Variants in SMYD1 observed in about 807,000 individuals in gnomAD.
The protein encoded by SMYD1 is SET and MYND domain containing 1, also known as histone-lysine N-methyltransferase SMYD1.
SMYD1 carries 49 observed loss-of-function variants against 54.0 expected under a neutral mutation model. The ratio of observed to expected loss-of-function variants is 0.91; its 90% CI spans 0.72 to 1.15. The LOEUF is 1.15. SMYD1 is among the 50% of genes most tolerant of loss of function. The pLI is 0.00. For synonymous variants in SMYD1, 269 were observed against 234.2 expected, an observed-to-expected ratio of 1.15 and a Z score of -1.36; for missense variants, 653 against 639.6, an observed-to-expected ratio of 1.02 and a Z score of -0.23.
At chr2:88,091,846 A>G (rs1346641600) in intron 4 of SMYD1, among the ~76,000 whole-genome samples, 5 of 152,210 alleles carry the variant, frequency 3.3e-5, no homozygotes, top group Admixed American at 1.3e-4. Context: ...CTTGGGTGAC[A>G]AAGTGAGACC....
At chr2:88,074,744 A>G (rs1446332711) in intron 1 of SMYD1, among the ~76,000 whole-genome samples, 1 of 152,234 alleles carries the variant, frequency 6.6e-6, no homozygotes, top group Non-Finnish European at 1.5e-5. Flanking sequence ...TTATGTATAT[A>G]TAGTGTGTAT....
intron 2 of SMYD1, among the ~76,000 whole-genome samples, chr2:88,086,464 G>A (rs1037152098): frequency 5.3e-5 from 8 of 152,184 alleles, no homozygotes; most frequent in South Asian, 2.1e-4. Flanking sequence ...AGAGGGCTTC[G>A]GGGTGAAGTA....
At chr2:88,081,051 C>G (rs750049656) in intron 1 of SMYD1, among the ~76,000 whole-genome samples, 3 of 151,910 alleles carry the variant, frequency 2.0e-5, no homozygotes, top group African/African-American at 7.3e-5. Flanking sequence ...TACAGGTGCC[C>G]GTCACCACGC....
Position 88,111,219 on chromosome 2 carries a change from A to G in SMYD1, c.*707A>G, listed in dbSNP as rs1237612999. 1.3e-5 allele frequency: 2 copies of G among 152,210 alleles called. No homozygotes were observed. The highest frequency in any genetic ancestry group is 2.4e-5 in the African/African-American group (1 of 41,450). The allele number at this position is 152,210 out of a possible 1,614,324, so 9.4% of individuals were successfully genotyped here. A position where few individuals can be genotyped will look rare whatever the true frequency, so the allele number is the denominator to read the frequency against. On this transcript the variant is annotated 3_prime_UTR_variant, in exon 10 of 10. Coordinates refer to ENST00000419482, the MANE Select transcript of SMYD1 (RefSeq NM_198274.4). ...ACTGAGGTCTTAAAGTCCAGGGAAA[A>G]AAAGTCTGGGTTCCAACTAGAATTC...
At chr2:88,093,917 A>G (rs993548693) in intron 5 of SMYD1, among the ~76,000 whole-genome samples, 7 of 152,152 alleles carry the variant, frequency 4.6e-5, no homozygotes, top group African/African-American at 1.7e-4. Context: ...CTACTAAAGG[A>G]CTGTCTGTTT....
intron 6 of SMYD1, among the ~76,000 whole-genome samples, chr2:88,099,665 G>A (rs898700197): frequency 3.3e-5 from 5 of 151,994 alleles, no homozygotes; most frequent in Non-Finnish European, 7.4e-5. Flanking sequence ...GGAGGTTGCA[G>A]TGAGCTGAGA....
At chr2:88,076,234 A>G (rs190809838) in intron 1 of SMYD1, among the ~76,000 whole-genome samples, 94 of 152,172 alleles carry the variant, frequency 6.2e-4, no homozygotes, top group Middle Eastern at 3.4e-3. Flanking sequence ...TTTGTTTTTG[A>G]GACAGAGTCT....
chr2:88,103,300 A>G, intron 7 of SMYD1, 150 bp downstream of exon 7: 2 of 634,118 alleles, frequency 3.2e-6, no homozygotes, highest in East Asian at 2.8e-5. Flanking sequence ...GGTTGAGATC[A>G]TGACTCTTCT....
intron 6 of SMYD1, among the ~76,000 whole-genome samples, chr2:88,098,042 G>A (rs1030241968): frequency 1.3e-5 from 2 of 152,134 alleles, no homozygotes; most frequent in African/African-American, 2.4e-5. Flanking sequence ...GAGAGGCACT[G>A]AGCACTGCAT....
Position 88,112,369 on chromosome 2 carries a change from C to T in SMYD1, c.*1857C>T, listed in dbSNP as rs1229367963. On this transcript the variant is annotated 3_prime_UTR_variant, in exon 10 of 10. Transcript: ENST00000419482. Reference sequence around the variant, plus strand: ...ACTGTGTTCTGTGTCTGTGCTCCTCCTTCCCTCTCAGACCACTGGAATGCA... The same window carrying T: ...ACTGTGTTCTGTGTCTGTGCTCCTCTTTCCCTCTCAGACCACTGGAATGCA... The T allele has an allele frequency of 1.4e-5, 8 of 560,872 alleles. No homozygotes were observed. The highest frequency in any genetic ancestry group is 3.1e-5 in the Admixed American group (1 of 32,718). The allele number at this position is 560,872 out of a possible 1,614,324, so 34.7% of individuals were successfully genotyped here.
Position 88,084,254 on chromosome 2 carries a change from C to T in SMYD1, c.138-62C>T, listed in dbSNP as rs183055739. The T allele has an allele frequency of 9.9e-5, 141 of 1,425,102 alleles. No individual in the cohort carries two copies. The African/African-American group carries it at 1.8e-3, about 18-fold the overall frequency. The allele number at this position is 1,425,102 out of a possible 1,614,324, so 88.3% of individuals were successfully genotyped here. A position where few individuals can be genotyped will look rare whatever the true frequency, so the allele number is the denominator to read the frequency against. ...CCAGTACTGGAACACAGGTGTCCCA[C>T]TGGCTGCAGGGTGCCCTTTCCACTG... On this transcript the variant is annotated intron_variant, in intron 1 of 9. Transcript: ENST00000419482.
At chr2:88,110,200 A>AGT (rs3222709) in intron 9 of SMYD1, among the ~76,000 whole-genome samples, 154 bp from the exon 10 acceptor site, 3,582 of 139,014 alleles carry the variant, frequency 0.026, 70 homozygotes, top group African/African-American at 0.05. Context: ...TTGATGAATG[A>AGT]GTGTGTGTGT....
chr2:88,108,788 AG>A lies in SMYD1; in HGVS notation c.1314+251del, dbSNP rs1262197975. ...TGGTTCATGGTTCTGCAGACTGTAT[AG>A]GAAGTGTGGTGCTGGCATCTGCTTC... On this transcript the variant is annotated intron_variant, in intron 9 of 9. Coordinates refer to ENST00000419482, the MANE Select transcript of SMYD1 (RefSeq NM_198274.4). 7.2e-5 allele frequency among the ~76,000 whole-genome samples: 11 copies of A among 152,330 alleles called. No homozygotes were observed. The East Asian group carries it at 1.3e-3, about 19-fold the overall frequency.
Position 88,096,766 on chromosome 2 carries a change from G to T in SMYD1, c.870G>T (p.Gly290=). 6.2e-7 allele frequency: 1 copy of T among 1,613,574 alleles called. No individual in the cohort carries two copies. The highest frequency in any genetic ancestry group is 8.5e-7 in the Non-Finnish European group (1 of 1,179,766). The change falls in exon 6 of 10, where the codon GGG becomes GGT. Residue 290 remains glycine, a synonymous_variant. Transcript: ENST00000419482. ...AACTGAAGGATGACCTCTTCCTGGG[G>T]GTGAAAGACAACCCCAAGGTACACA... ...QKKLKDDLFL[G]VKDNPKPSQE... is the part of the protein sequence containing the mutation.
In SMYD1 at chr2:88,074,866, G is replaced by A. The variant is rs544206419; in HGVS notation, c.137+6865G>A. Among the ~76,000 whole-genome samples the A allele has an allele frequency of 1.1e-4, 16 of 152,254 alleles. No individual in the cohort carries two copies. In the East Asian group the frequency reaches 1.5e-3, roughly 15 times the overall value. ...ACCAGTTATGAGCTTTCTTAGGTGC[G>A]GCAGAGCAGGTGGGGTTAGTCAGTG... On this transcript the variant is annotated intron_variant, in intron 1 of 9. Coordinates refer to ENST00000419482, the MANE Select transcript of SMYD1 (RefSeq NM_198274.4).
In SMYD1 at chr2:88,110,475, A is replaced by C; in HGVS notation, c.1436A>C (p.Asn479Thr). 1 of 1,599,038 alleles carries C rather than the reference A, an allele frequency of 6.3e-7. No individual in the cohort carries two copies. Among genetic ancestry groups the C allele is most frequent in the South Asian group, 1.1e-5 (1 of 88,330 alleles). Residue 479 changes from asparagine to threonine, a missense_variant, in exon 10 of 10, where the codon AAT (asparagine) becomes ACT (threonine). Transcript: ENST00000419482. ...ATGCAGGTCATGGCCGAGCCCAGCA[A>C]TGAGCCATCCCCAGCTCTGTTCCAC... ...QPMQVMAEPS[N>T]EPSPALFHKK...
At chr2:88,074,729 G>A (rs529283240) in intron 1 of SMYD1, among the ~76,000 whole-genome samples, 4 of 152,132 alleles carry the variant, frequency 2.6e-5, no homozygotes, top group South Asian at 2.1e-4. Context: ...AAAGTGACCC[G>A]GAGATTATGT....
chr2:88,085,966 G>T (rs1674314182), intron 2 of SMYD1, among the ~76,000 whole-genome samples: 1 of 152,182 alleles, frequency 6.6e-6, no homozygotes, highest in South Asian at 2.1e-4. Flanking sequence ...TGGTTAAAAT[G>T]GTTCAAAAAG....
At chr2:88,071,558 C>T (rs1290269496) in intron 1 of SMYD1, among the ~76,000 whole-genome samples, 1 of 152,178 alleles carries the variant, frequency 6.6e-6, no homozygotes, top group Non-Finnish European at 1.5e-5. Context: ...CATGACTAAT[C>T]AATCAGGCAC....
Sources: allele counts gnomAD v4.1 joint callset (sites outside exome capture counted in the v4.1 genomes callset), GRCh38; gene constraint gnomAD v4.1.1; transcripts MANE v1.5; gene names NCBI Gene and HGNC (gene_info 2026-07-23, HGNC 2026-07-21).